The following CDH12 variants were observed in gnomAD, a reference collection of about 807,000 sequenced individuals.
The protein encoded by CDH12 is cadherin 12, also known as cadherin-12.
CDH12 carries 41 observed loss-of-function variants against 74.1 expected under a neutral mutation model. That is an observed-to-expected ratio of 0.55 (90% confidence interval 0.43 to 0.72). The LOEUF is 0.72. CDH12 is among the 30% of genes least tolerant of loss of function. The pLI is 0.00. For missense variants in CDH12, 945 were observed against 977.2 expected (o/e 0.97, Z 0.44); for synonymous variants, 399 against 355.0 (o/e 1.12, Z -1.39).
At chr5:22,724,570 T>C (rs1448838890) in intron 1 of CDH12, among the ~76,000 whole-genome samples, 2 of 152,024 alleles carry the variant, frequency 1.3e-5, no homozygotes, top group Non-Finnish European at 2.9e-5. Context: ...ATTTCATTCA[T>C]TTTTATGGCT....
intron 3 of CDH12, among the ~76,000 whole-genome samples, chr5:22,245,092 C>T (rs10062587): frequency 2.2e-4 from 33 of 152,118 alleles, no homozygotes; most frequent in African/African-American, 8.0e-4. Context: ...TGAAACCCAG[C>T]AGGAGCAATT....
At chr5:21,795,031 A>G (rs1209151179) in intron 10 of CDH12, among the ~76,000 whole-genome samples, 1 of 151,700 alleles carries the variant, frequency 6.6e-6, no homozygotes, top group Non-Finnish European at 1.5e-5. Flanking sequence ...TAGAACATTC[A>G]TTAAGATAAA....
At chr5:22,304,734 A>T (rs1327818941) in intron 3 of CDH12, among the ~76,000 whole-genome samples, 1 of 152,198 alleles carries the variant, frequency 6.6e-6, no homozygotes, top group Non-Finnish European at 1.5e-5. Context: ...AAACCTGACA[A>T]ATGTGTGTGT....
chr5:21,960,126 T>A lies in CDH12; in HGVS notation c.526+14965A>T, dbSNP rs540734847. ...CACACCACTGACAGTCATAGACAGA[T>A]CATCAAGGTAGAAAATTAACAATGA... On this transcript the variant is annotated intron_variant, in intron 6 of 14. Coordinates refer to ENST00000382254, the MANE Select transcript of CDH12 (RefSeq NM_004061.5). Among the ~76,000 whole-genome samples the A allele has an allele frequency of 3.3e-5, 5 of 151,966 alleles. No homozygotes were observed. In the South Asian group the frequency reaches 1.0e-3, roughly 32 times the overall value.
intron 4 of CDH12, among the ~76,000 whole-genome samples, chr5:22,104,308 T>C (rs1744308964): frequency 6.6e-6 from 1 of 152,198 alleles, no homozygotes; most frequent in Non-Finnish European, 1.5e-5. Flanking sequence ...TATATAAAAA[T>C]TAGTATCATC....
chr5:22,522,865 T>C (rs1165872804), intron 1 of CDH12, among the ~76,000 whole-genome samples: 1 of 152,174 alleles, frequency 6.6e-6, no homozygotes, highest in Non-Finnish European at 1.5e-5. Flanking sequence ...TCTAACCTGA[T>C]CTCACTCCCC....
In CDH12 at chr5:22,627,586, G is replaced by T. The variant is rs1359968414; in HGVS notation, c.-522-122222C>A. On this transcript the variant is annotated intron_variant, in intron 1 of 14. Transcript: ENST00000382254. ...CACTTTACAAGAGGTCCTTAAGGGT[G>T]TGCAAAACAGGAAAATGAAAGACCA... is the stretch of plus-strand genomic sequence containing the variant. Among the ~76,000 whole-genome samples, 5 of 152,240 alleles carry T rather than the reference G, an allele frequency of 3.3e-5. No individual in the cohort carries two copies. The South Asian group carries it at 1.0e-3, about 32-fold the overall frequency.
chr5:21,883,632 G>T, intron 6 of CDH12: 2 of 1,611,594 alleles, frequency 1.2e-6, no homozygotes, highest in South Asian at 2.2e-5. Flanking sequence ...AGTTGGAGAG[G>T]TCATTGTGAC....
chr5:22,063,397 C>G (rs555948714), intron 5 of CDH12, among the ~76,000 whole-genome samples: 1 of 152,002 alleles, frequency 6.6e-6, no homozygotes, highest in Non-Finnish European at 1.5e-5. Flanking sequence ...ATCACACAGA[C>G]CCTATAAATA....
At chr5:22,078,280 G>A (rs181939561) in intron 5 of CDH12, among the ~76,000 whole-genome samples, 166 bp downstream of exon 5, 1 of 152,178 alleles carries the variant, frequency 6.6e-6, no homozygotes, top group Admixed American at 6.5e-5. Flanking sequence ...ATATTCTGAA[G>A]CTTACCCGGG....
chr5:22,122,155 C>T (rs141768818), intron 4 of CDH12, among the ~76,000 whole-genome samples: 71 of 152,274 alleles, frequency 4.7e-4, no homozygotes, highest in African/African-American at 1.5e-3. Context: ...GTAATCCCAG[C>T]ACTTTTGGAG....
chr5:21,841,173 C>G (rs1749825106), intron 8 of CDH12, among the ~76,000 whole-genome samples: 1 of 151,976 alleles, frequency 6.6e-6, no homozygotes, highest in Middle Eastern at 3.2e-3. Context: ...AAAAAACAAA[C>G]AACCCCATCA....
intron 5 of CDH12, among the ~76,000 whole-genome samples, chr5:21,988,491 C>CAA (rs1157872208): frequency 0.053 from 1,561 of 29,466 alleles, 296 homozygotes; most frequent in Non-Finnish European, 0.073. Flanking sequence ...GACTCCGTCT[C>CAA]AAAAAAAAAA....
At chr5:22,263,811 C>A (rs1369160315) in intron 3 of CDH12, among the ~76,000 whole-genome samples, 1 of 151,976 alleles carries the variant, frequency 6.6e-6, no homozygotes, top group Non-Finnish European at 1.5e-5. Flanking sequence ...CTACTTTATA[C>A]ACAAGAGGAA....
At chr5:22,341,536 C>T (rs1739850099) in intron 3 of CDH12, among the ~76,000 whole-genome samples, 1 of 152,070 alleles carries the variant, frequency 6.6e-6, no homozygotes, top group African/African-American at 2.4e-5. Context: ...AGCCATAATA[C>T]ACCTTTCTAA....
At chr5:22,602,234 T>C (rs941958731) in intron 1 of CDH12, among the ~76,000 whole-genome samples, 9 of 152,106 alleles carry the variant, frequency 5.9e-5, no homozygotes, top group Non-Finnish European at 1.3e-4. Flanking sequence ...ATTCAATAAA[T>C]GCCACGGAGT....
chr5:22,470,596 A>AG (rs1183283571), intron 2 of CDH12, among the ~76,000 whole-genome samples: 11 of 151,724 alleles, frequency 7.3e-5, no homozygotes, highest in Non-Finnish European at 1.6e-4. Context: ...GTTTTAAAAA[A>AG]TTTTTGTAGA....
chr5:22,223,613 G>A (rs1752090664), intron 3 of CDH12, among the ~76,000 whole-genome samples: 1 of 152,016 alleles, frequency 6.6e-6, no homozygotes, highest in African/African-American at 2.4e-5. Context: ...AGGACTTGAG[G>A]CATTCTTATG....
intron 4 of CDH12, among the ~76,000 whole-genome samples, chr5:22,187,698 C>A (rs1347428482): frequency 2.7e-5 from 4 of 150,510 alleles, no homozygotes; most frequent in African/African-American, 7.3e-5. Flanking sequence ...ATTTAGCAAC[C>A]CAGACTAGAA....
Sources: gnomAD v4.1 joint callset for allele counts (sites outside exome capture counted in the v4.1 genomes callset) on GRCh38, gnomAD v4.1.1 for gene constraint, MANE v1.5 for transcripts, NCBI Gene and HGNC (gene_info 2026-07-23, HGNC 2026-07-21) for gene names.